Variants in KATNAL2 observed in about 807,000 individuals in gnomAD.
The protein encoded by KATNAL2 is katanin catalytic subunit A1 like 2, also known as katanin p60 ATPase-containing subunit A-like 2.
A neutral mutation model predicts 76.3 loss-of-function variants in KATNAL2; 52 were observed. The observed-to-expected ratio is 0.68, with a 90% CI of 0.55 to 0.86. The LOEUF (loss-of-function observed/expected upper bound fraction) is 0.86, where lower values mean the gene tolerates loss of function less well. KATNAL2 is among the 40% of genes least tolerant of loss of function. KATNAL2 has a pLI of 0.00. For synonymous variants in KATNAL2, 243 were observed against 244.2 expected (o/e 1.00, Z 0.05); for missense variants, 660 against 668.9 (o/e 0.99, Z 0.15).
intron 3 of KATNAL2, among the ~76,000 whole-genome samples, chr18:46,967,573 ATGTGTGTG>A (rs1160068415): frequency 1.8e-5 from 2 of 113,482 alleles, no homozygotes; most frequent in South Asian, 5.2e-4. Context: ...CTTTGTGTGT[ATGTGTGTG>A]TGTCGTATCT....
chr18:46,927,537 T>C (rs1775879775), intron 1 of KATNAL2, among the ~76,000 whole-genome samples: 2 of 152,162 alleles, frequency 1.3e-5, no homozygotes, highest in African/African-American at 4.8e-5. Flanking sequence ...TCATTTCAAC[T>C]TTGGTGAATC....
chr18:47,049,091 G>A (rs1287252168), intron 4 of KATNAL2, among the ~76,000 whole-genome samples: 1 of 151,974 alleles, frequency 6.6e-6, no homozygotes, highest in Non-Finnish European at 1.5e-5. Context: ...CCAAAGTGCT[G>A]GGATTACAGG....
chr18:47,071,953 C>CTTTT lies in KATNAL2; in HGVS notation c.1008+2388_1008+2391dup, dbSNP rs574265545. On this transcript the variant is annotated intron_variant, in intron 13 of 17. Transcript: ENST00000683218. ...GAAACAATTCCTCTCCCAATTTCTT[C>CTTTT]TTTTTTTTTTTTTTTTTTTTTTTTT... 3.4e-3 allele frequency among the ~76,000 whole-genome samples: 151 copies of CTTTT among 43,944 alleles called. 38 individuals are homozygous for CTTTT. Among genetic ancestry groups the CTTTT allele is most frequent in the African/African-American group, 6.9e-3 (58 of 8,346 alleles). The allele number at this position is 43,944 out of a possible 152,430, so 28.8% of individuals were successfully genotyped here.
rs546258433 is a variant in KATNAL2 at position 47,035,034 on chromosome 18, C to T, written c.52-11423C>T. The T allele has an allele frequency of 1.4e-4, 224 of 1,611,818 alleles. 9 individuals carry two copies. In the South Asian group the frequency reaches 2.4e-3, roughly 17 times the overall value. On this transcript the variant is annotated intron_variant, in intron 3 of 17. Transcript: ENST00000683218. ...CAGGCCGGGTGTTTCGGTCCACGAG[C>T]ACCAGCTTCTTCCACCGGGCCGCTA...
intron 4 of KATNAL2, among the ~76,000 whole-genome samples, chr18:47,049,236 T>TA (rs1281135568): frequency 6.6e-6 from 1 of 152,224 alleles, no homozygotes; most frequent in Non-Finnish European, 1.5e-5. Flanking sequence ...AGTAATGGGG[T>TA]ATAGCTAAGT....
At chr18:47,070,059 C>T (rs2147199252) in intron 13 of KATNAL2, among the ~76,000 whole-genome samples, 1 of 151,034 alleles carries the variant, frequency 6.6e-6, no homozygotes, top group South Asian at 2.1e-4. Context: ...AGCACCTTTG[C>T]TTCCATAGTG....
In KATNAL2 at chr18:47,100,955, A is replaced by G. The variant is rs1428230374; in HGVS notation, c.1567A>G (p.Asn523Asp). 1.2e-6 allele frequency: 2 copies of G among 1,614,042 alleles called. No homozygotes were observed. Residue 523 changes from asparagine to aspartate, a missense_variant, in exon 18 of 18, where the codon AAT becomes GAT. By Grantham distance (23) the Asn-to-Asp change is conservative. Coordinates refer to ENST00000683218, the MANE Select transcript of KATNAL2 (RefSeq NM_001387690.1). Reference protein sequence around the residue: ...VLTHTKPSAKNLAQRYSDWQR... With the variant: ...VLTHTKPSAKDLAQRYSDWQR... ...AACTCACACCAAGCCCTCCGCAAAG[A>G]ATCTGGCTCAGAGATACTCAGACTG... is the stretch of plus-strand genomic sequence containing the variant.
intron 13 of KATNAL2, among the ~76,000 whole-genome samples, chr18:47,070,624 C>T (rs866618144): frequency 3.9e-5 from 6 of 152,014 alleles, no homozygotes; most frequent in Non-Finnish European, 5.9e-5. Flanking sequence ...TAAAATATTA[C>T]GTATTTTCTG....
chr18:46,947,059 C>A, intron 3 of KATNAL2, 136 bp downstream of exon 3: 2 of 692,030 alleles, frequency 2.9e-6, no homozygotes, highest in Non-Finnish European at 5.1e-6. Context: ...GAGAGGCGCT[C>A]GGCCGAGGTG....
Position 46,929,711 on chromosome 18 carries a change from C to A in KATNAL2, c.-510+11785C>A, listed in dbSNP as rs2058847066. Among the ~76,000 whole-genome samples the A allele has an allele frequency of 2.0e-5, 3 of 151,994 alleles. No individual in the cohort carries two copies. In the South Asian group the frequency reaches 6.2e-4, roughly 32 times the overall value. On this transcript the variant is annotated intron_variant, in intron 1 of 17. Transcript: ENST00000683218. Reference sequence around the variant, plus strand: ...ATTTTATAGATATCTTATTTTATTTCTCTAAAATAAATATTTAAGAATGGA... The same window carrying A: ...ATTTTATAGATATCTTATTTTATTTATCTAAAATAAATATTTAAGAATGGA...
chr18:46,946,953 T>G, intron 3 of KATNAL2, 30 bp downstream of exon 3: 2 of 1,346,634 alleles, frequency 1.5e-6, no homozygotes, highest in Non-Finnish European at 2.1e-6. Flanking sequence ...AACATGATTA[T>G]ACCAAGAACC....
At chr18:47,041,304 A>G (rs2060955320) in intron 3 of KATNAL2, among the ~76,000 whole-genome samples, 1 of 152,040 alleles carries the variant, frequency 6.6e-6, no homozygotes, top group African/African-American at 2.4e-5. Flanking sequence ...GGTTACTATA[A>G]TCTATCATAT....
intron 13 of KATNAL2, among the ~76,000 whole-genome samples, chr18:47,070,905 A>C (rs1448361060): frequency 6.6e-6 from 1 of 152,208 alleles, no homozygotes; most frequent in African/African-American, 2.4e-5. Flanking sequence ...ACTCAGTGCC[A>C]GTTCCGAAGA....
chr18:47,058,470 C>A (rs1358730939), intron 7 of KATNAL2, 118 bp downstream of exon 7: 2 of 628,258 alleles, frequency 3.2e-6, no homozygotes, highest in Non-Finnish European at 5.7e-6. Context: ...GCTGTGTGAT[C>A]TAATTGAATT....
At chr18:46,933,815 C>T (rs1397572832) in intron 1 of KATNAL2, among the ~76,000 whole-genome samples, 3 of 125,856 alleles carry the variant, frequency 2.4e-5, no homozygotes, top group Non-Finnish European at 4.9e-5. Flanking sequence ...TAACAGTCCC[C>T]GTCCCCAGTG....
Position 47,063,318 on chromosome 18 carries a change from G to T in KATNAL2, c.683G>T (p.Gly228Val), listed in dbSNP as rs1235017617. 6.2e-7 allele frequency: 1 copy of T among 1,613,934 alleles called. No homozygotes were observed. Among genetic ancestry groups the T allele is most frequent in the African/African-American group, 1.3e-5 (1 of 75,004 alleles). ...RLLKPLSAFI[G>V]MNSEMRELAA... ...CTGAAACCTCTGAGTGCATTTATTG[G>T]CATGAACAGTGAGATGCGAGAATTG... The change falls in exon 10 of 18, where the codon GGC becomes GTC. Residue 228 changes from glycine to valine, a missense_variant. Physicochemically the swap from Gly to Val is moderately radical, Grantham distance 109 (BLOSUM62 -3). Coordinates refer to ENST00000683218, the MANE Select transcript of KATNAL2 (RefSeq NM_001387690.1).
chr18:46,942,250 T>G (rs997243578), intron 1 of KATNAL2, among the ~76,000 whole-genome samples: 18 of 152,210 alleles, frequency 1.2e-4, no homozygotes, highest in African/African-American at 4.3e-4. Flanking sequence ...GCTGTTACAT[T>G]ACCAAGTTCA....
intron 1 of KATNAL2, among the ~76,000 whole-genome samples, chr18:46,941,784 A>G (rs932670118): frequency 2.0e-5 from 3 of 152,232 alleles, no homozygotes; most frequent in South Asian, 4.1e-4. Flanking sequence ...TGTTACACAT[A>G]AAGTTTTGGT....
At chr18:47,086,161 C>T (rs1599836197) in intron 15 of KATNAL2, among the ~76,000 whole-genome samples, 1 of 152,314 alleles carries the variant, frequency 6.6e-6, no homozygotes, top group South Asian at 2.1e-4. Flanking sequence ...GTACTTTCCA[C>T]ACTTATCTGA....
Sources: gnomAD v4.1 joint callset for allele counts (sites outside exome capture counted in the v4.1 genomes callset) on GRCh38, gnomAD v4.1.1 for gene constraint, MANE v1.5 for transcripts, NCBI Gene and HGNC (gene_info 2026-07-23, HGNC 2026-07-21) for gene names.